Variants in SH3GL1 observed in about 807,000 individuals in gnomAD.
SH3GL1 encodes the protein SH3 domain containing GRB2 like 1, endophilin A2, also known as endophilin-A2.
A neutral mutation model predicts 48.8 loss-of-function variants in SH3GL1; 21 were observed. The observed-to-expected ratio is 0.43, with a 90% CI of 0.30 to 0.62. The LOEUF (loss-of-function observed/expected upper bound fraction) is 0.62. Among genes scored for constraint, SH3GL1 ranks in the 20% least tolerant of loss-of-function variants. SH3GL1 has a pLI of 0.11. For synonymous variants in SH3GL1, 282 were observed against 217.5 expected, an observed-to-expected ratio of 1.30 and a Z score of -2.61; for missense variants, 454 against 503.0, an observed-to-expected ratio of 0.90 and a Z score of 0.93.
intron 5 of SH3GL1, 75 bp downstream of exon 5, chr19:4,364,013 T>C: frequency 1.9e-6 from 3 of 1,605,656 alleles, no homozygotes; most frequent in Non-Finnish European, 2.6e-6. Context: ...AGGCTGGAGG[T>C]GAGGGTGGCA....
intron 1 of SH3GL1, among the ~76,000 whole-genome samples, chr19:4,399,110 AG>A (rs1599627227): frequency 1.3e-5 from 2 of 152,162 alleles, no homozygotes; most frequent in Admixed American, 6.5e-5. Context: ...ACTTGAGGCC[AG>A]GAGTTCGAGA....
At position 4,364,163 on chromosome 19, in the gene SH3GL1, G is replaced by A. The variant is rs972787234; in HGVS notation, c.390C>T (p.Ser130=). Residue 130 remains serine (S), a synonymous_variant, in exon 5 of 10, where the codon TCC becomes TCT. Coordinates refer to ENST00000269886, the MANE Select transcript of SH3GL1 (RefSeq NM_003025.4). ...AGTTCTGCTTGACCTCGATGTCCAG[G>A]GAGTCCTTCACCTCTGCCAGGCGCT... The part of the protein sequence containing the change: ...SMKRLAEVKD[S]LDIEVKQNFI... 1 of 1,613,936 alleles carries A rather than the reference G, an allele frequency of 6.2e-7. No homozygotes were observed. The highest frequency in any genetic ancestry group is 1.1e-5 in the South Asian group (1 of 91,090).
intron 1 of SH3GL1, among the ~76,000 whole-genome samples, chr19:4,387,483 C>T (rs1040695930): frequency 9.9e-5 from 15 of 152,028 alleles, no homozygotes; most frequent in African/African-American, 1.7e-4. Context: ...TTTGTACAGA[C>T]GGGGTTTCAT....
chr19:4,394,700 C>A (rs548962361), intron 1 of SH3GL1, among the ~76,000 whole-genome samples: 1 of 152,302 alleles, frequency 6.6e-6, no homozygotes, highest in African/African-American at 2.4e-5. Context: ...TTTATCTTTT[C>A]CAGCACTCTC....
rs1734717511 is a variant in SH3GL1 at position 4,400,284 on chromosome 19, C to G, written c.45+40G>C. ...GCCTGGCTCCCTCATCCGGGCAGCC[C>G]GGGGCCCGGTACTCGGCTCCCGCCT... On this transcript the variant is annotated intron_variant, in intron 1 of 9. Transcript: ENST00000269886. The surrounding 1 kb of genome is among the most constrained non-coding windows in gnomAD (Gnocchi z 4.1). 5 of 1,583,060 alleles carry G rather than the reference C, an allele frequency of 3.2e-6. No individual in the cohort carries two copies. The highest frequency in any genetic ancestry group is 1.7e-5 in the Admixed American group (1 of 58,196).
rs759957726 is a variant in SH3GL1 at position 4,363,824 on chromosome 19, G to A, written c.520C>T (p.Arg174Trp). Residue 174 changes from arginine (R) to tryptophan (W), a missense_variant, in exon 6 of 10, where the codon CGG (arginine) becomes TGG (tryptophan). Arg to Trp is a moderately radical substitution (Grantham distance 101, BLOSUM62 -3). Transcript: ENST00000269886. ...TCCTCATCGGGGATCTTGCCCTGCCGCTTCTTCTTGTAGTCAAAGTCCAGG... is the reference window on the plus strand; with the variant it reads ...TCCTCATCGGGGATCTTGCCCTGCCACTTCTTCTTGTAGTCAAAGTCCAGG... Reference protein sequence around the residue: ...RRLDFDYKKKRQGKIPDEELR... With the variant: ...RRLDFDYKKKWQGKIPDEELR... 1.9e-6 allele frequency: 3 copies of A among 1,613,488 alleles called. No homozygotes were observed. The highest frequency in any genetic ancestry group is 1.7e-5 in the Admixed American group (1 of 60,028).
chr19:4,362,286 G>A (rs564410462), intron 9 of SH3GL1, 43 bp downstream of exon 9: 49 of 1,591,250 alleles, frequency 3.1e-5, no homozygotes, highest in East Asian at 2.3e-4. Flanking sequence ...CCGAATGGCC[G>A]AGAAGGCAGC....
chr19:4,400,223 C>T lies in SH3GL1; in HGVS notation c.45+101G>A, dbSNP rs1765200837. On this transcript the variant is annotated intron_variant, in intron 1 of 9. Transcript: ENST00000269886. This position sits in a 1 kb window ranked among gnomAD's most constrained non-coding sequence, Gnocchi z 4.1. ...CAGGGGACACGCGCCAACGTCCCCA[C>T]CTCGGTCCCCCCGGCCCCCTCCCGG... The T allele has an allele frequency of 7.6e-7, 1 of 1,320,222 alleles. No individual in the cohort carries two copies. The highest frequency in any genetic ancestry group is 1.0e-6 in the Non-Finnish European group (1 of 971,128). The allele number at this position is 1,320,222 out of a possible 1,614,324, so 81.8% of individuals were successfully genotyped here. A position where few individuals can be genotyped will look rare whatever the true frequency, so the allele number is the denominator to read the frequency against.
At chr19:4,366,831 C>G in intron 2 of SH3GL1, 95 bp downstream of exon 2, 1 of 1,282,318 alleles carries the variant, frequency 7.8e-7, no homozygotes. Context: ...CACTCCAGAC[C>G]CAGGCCCATC....
At chr19:4,377,956 C>T (rs1463527025) in intron 1 of SH3GL1, among the ~76,000 whole-genome samples, 1 of 152,170 alleles carries the variant, frequency 6.6e-6, no homozygotes, top group Non-Finnish European at 1.5e-5. Flanking sequence ...TTCCCAGGGC[C>T]CCTTCTGCCC....
Position 4,361,391 on chromosome 19 carries a change from CTAGTG to C in SH3GL1, c.*204_*208del. ...GAGCCGTCACCGTTGGGAGTCAGCG[CTAGTG>C]TAAACAGGCATCCCCACCCACCCAG... On this transcript the variant is annotated 3_prime_UTR_variant, in exon 10 of 10. Transcript: ENST00000269886. 1 of 581,030 alleles carries C rather than the reference CTAGTG, an allele frequency of 1.7e-6. No individual in the cohort carries two copies. Among genetic ancestry groups the C allele is most frequent in the Non-Finnish European group, 3.1e-6 (1 of 326,348 alleles). The allele number at this position is 581,030 out of a possible 1,614,324, so 36.0% of individuals were successfully genotyped here.
rs111680041 is a variant in SH3GL1 at position 4,380,612 on chromosome 19, C to A, written c.46-13618G>T. On this transcript the variant is annotated intron_variant, in intron 1 of 9. Transcript: ENST00000269886. ...GCTCCAGCTCTTGGACTGGAAAAAA[C>A]GTGCGTCAAACTCATGAATTGTCAA... Among the ~76,000 whole-genome samples, 62 of 152,230 alleles carry A rather than the reference C, an allele frequency of 4.1e-4. No homozygotes were observed. In the Middle Eastern group the frequency reaches 0.01, roughly 25 times the overall value.
At chr19:4,384,765 G>T (rs983567262) in intron 1 of SH3GL1, among the ~76,000 whole-genome samples, 2 of 152,242 alleles carry the variant, frequency 1.3e-5, no homozygotes, top group Admixed American at 6.5e-5. Context: ...TGCGAGTGGA[G>T]CCTCGTGTGT....
At chr19:4,361,942 T>C in intron 9 of SH3GL1, 146 bp from the exon 10 acceptor site, 1 of 643,388 alleles carries the variant, frequency 1.6e-6, no homozygotes, top group East Asian at 2.7e-5. Context: ...CCCCTGCCAC[T>C]TCTGGGGTCC....
intron 2 of SH3GL1, among the ~76,000 whole-genome samples, 163 bp from the exon 3 acceptor site, chr19:4,366,736 C>T (rs553488743): frequency 3.9e-5 from 6 of 152,156 alleles, no homozygotes; most frequent in Admixed American, 2.0e-4. Context: ...TGCCTGCCCA[C>T]GGCAGGGGAG....
chr19:4,387,065 T>C (rs1193152867), intron 1 of SH3GL1, among the ~76,000 whole-genome samples: 1 of 151,864 alleles, frequency 6.6e-6, no homozygotes, highest in Non-Finnish European at 1.5e-5. Flanking sequence ...GCCTCCCGAG[T>C]AGCTGGGACT....
intron 1 of SH3GL1, among the ~76,000 whole-genome samples, chr19:4,393,369 C>T (rs1347045142): frequency 6.6e-6 from 1 of 152,160 alleles, no homozygotes; most frequent in African/African-American, 2.4e-5. Flanking sequence ...CCTGTAATCC[C>T]AGCACTTTGA....
At chr19:4,387,309 G>GT (rs1032491966) in intron 1 of SH3GL1, among the ~76,000 whole-genome samples, 4 of 149,644 alleles carry the variant, frequency 2.7e-5, no homozygotes, top group Non-Finnish European at 3.0e-5. Flanking sequence ...CTTTGTTTTT[G>GT]TTTTTTTTAG....
Position 4,365,515 on chromosome 19 carries a change from G to A in SH3GL1, c.298C>T (p.His100Tyr). 2 of 1,613,980 alleles carry A rather than the reference G, an allele frequency of 1.2e-6. No individual in the cohort carries two copies. The highest frequency in any genetic ancestry group is 1.7e-6 in the Non-Finnish European group (2 of 1,180,022). Residue 100 changes from histidine (H) to tyrosine (Y), a missense_variant, in exon 4 of 10, where the codon CAC becomes TAC. His to Tyr is a moderately conservative substitution (Grantham distance 83). This residue lies in a region of SH3GL1 where 176 missense variants were observed against 256.2 expected (regional missense o/e 0.69). Coordinates refer to ENST00000269886, the MANE Select transcript of SH3GL1 (RefSeq NM_003025.4). ...GACTCGCCGCCCAGCTCCTTCCCGT[G>A]GCGGATCATGCACTCGCCCAGAAGC... Reference protein sequence around the residue: ...EGLLGECMIRHGKELGGESNF... With the variant: ...EGLLGECMIRYGKELGGESNF...
Sources: gnomAD v4.1 joint callset for allele counts (sites outside exome capture counted in the v4.1 genomes callset) on GRCh38, gnomAD v4.1.1 for gene constraint, gnomAD v4.1.1 regional missense constraint, Gnocchi (gnomAD v3.1) non-coding constraint, MANE v1.5 for transcripts, NCBI Gene and HGNC (gene_info 2026-07-23, HGNC 2026-07-21) for gene names.